Variants in TGM4 observed in about 807,000 individuals in gnomAD.
TGM4 encodes transglutaminase 4, also known as protein-glutamine gamma-glutamyltransferase 4.
TGM4 carries 61 observed loss-of-function variants against 76.3 expected under a neutral mutation model. The observed-to-expected ratio is 0.80, with a 90% confidence interval of 0.65 to 0.99. TGM4 has a LOEUF of 0.99. TGM4 is among the 50% of genes least tolerant of loss of function. The pLI is 0.00. For missense variants in TGM4, 794 were observed against 843.2 expected (o/e 0.94, Z 0.72); for synonymous variants, 337 against 329.8 (o/e 1.02, Z -0.24).
chr3:44,889,238 C>CAGCTAGTT (rs986675018), intron 3 of TGM4: 3 of 146,924 alleles, frequency 2.0e-5, no homozygotes, highest in African/African-American at 7.7e-5. Flanking sequence ...CGTGTAGTTC[C>CAGCTAGTT]AGCTAGTTGG....
chr3:44,910,865 A>C (rs757151228), intron 11 of TGM4, 93 bp from the exon 12 acceptor site: 8 of 1,405,664 alleles, frequency 5.7e-6, no homozygotes, highest in Admixed American at 2.0e-5. Flanking sequence ...TTCAATTCAC[A>C]CAAAGTTAAT....
In TGM4 at chr3:44,913,774, C is replaced by A; in HGVS notation, c.*49C>A. The A allele has an allele frequency of 6.3e-7, 1 of 1,582,274 alleles. No homozygotes were observed. The highest frequency in any genetic ancestry group is 1.4e-5 in the African/African-American group (1 of 73,658). On this transcript the variant is annotated 3_prime_UTR_variant, in exon 14 of 14. Transcript: ENST00000296125. ...TAGTTGAGATTTCAGCATTTCCTACCTTGTGCTTAGCTTTCAGATTATGGA... is the reference window on the plus strand; with the variant it reads ...TAGTTGAGATTTCAGCATTTCCTACATTGTGCTTAGCTTTCAGATTATGGA...
chr3:44,879,542 G>A (rs1376534459), intron 1 of TGM4, among the ~76,000 whole-genome samples: 2 of 148,314 alleles, frequency 1.3e-5, no homozygotes, highest in African/African-American at 2.5e-5. Flanking sequence ...GCGCAATCTC[G>A]GCTCACTGCA....
intron 1 of TGM4, among the ~76,000 whole-genome samples, chr3:44,878,089 T>C (rs1699473580): frequency 6.6e-6 from 1 of 151,864 alleles, no homozygotes; most frequent in African/African-American, 2.4e-5. Flanking sequence ...AGGTCGAGGC[T>C]GCAGTGAGCT....
chr3:44,881,064 C>T (rs970914930), intron 1 of TGM4, among the ~76,000 whole-genome samples: 5 of 146,216 alleles, frequency 3.4e-5, no homozygotes, highest in Non-Finnish European at 7.5e-5. Context: ...CTATGAAGTG[C>T]ACTATGGTGC....
At chr3:44,898,063 C>T (rs1412979936) in intron 6 of TGM4, among the ~76,000 whole-genome samples, 8 of 152,094 alleles carry the variant, frequency 5.3e-5, no homozygotes, top group South Asian at 4.1e-4. Flanking sequence ...AGGCAGATCA[C>T]GAGGTCAGGA....
At position 44,910,197 on chromosome 3, in the gene TGM4, T is replaced by A; in HGVS notation, c.1435T>A (p.Ser479Thr). ...KENFLHMSVQ[S>T]DDVLLGNSVN... ...GAACTTTCTTCACATGTCGGTACAA[T>A]CAGATGATGTGCTGCTGGGAAACTC... Residue 479 changes from serine (S) to threonine (T), a missense_variant, in exon 11 of 14, where the codon TCA becomes ACA. Physicochemically the swap from Ser to Thr is moderately conservative, Grantham distance 58. Transcript: ENST00000296125. 6.2e-7 allele frequency: 1 copy of A among 1,614,194 alleles called. No individual in the cohort carries two copies. Among genetic ancestry groups the A allele is most frequent in the East Asian group, 2.2e-5 (1 of 44,886 alleles).
intron 5 of TGM4, among the ~76,000 whole-genome samples, chr3:44,894,904 A>G (rs1336596380): frequency 6.6e-6 from 1 of 152,088 alleles, no homozygotes; most frequent in Non-Finnish European, 1.5e-5. Context: ...GGGAAATGAA[A>G]TGGAAGGGAG....
intron 4 of TGM4, among the ~76,000 whole-genome samples, chr3:44,892,144 G>A (rs1468510770): frequency 2.6e-5 from 4 of 151,526 alleles, no homozygotes; most frequent in African/African-American, 4.8e-5. Context: ...TGTAATCCCA[G>A]CTACTTGGGA....
At chr3:44,905,136 C>T (rs1339411167) in intron 9 of TGM4, among the ~76,000 whole-genome samples, 2 of 152,146 alleles carry the variant, frequency 1.3e-5, no homozygotes, top group African/African-American at 4.8e-5. Flanking sequence ...AGGCGCCTGC[C>T]ACCATGCCTG....
chr3:44,906,447 A>G (rs193025585), intron 9 of TGM4, among the ~76,000 whole-genome samples: 4 of 152,310 alleles, frequency 2.6e-5, no homozygotes, highest in African/African-American at 9.6e-5. Context: ...AAATGTTCTT[A>G]TTAGCCCAGA....
At position 44,898,358 on chromosome 3, in the gene TGM4, C is replaced by T. The variant is rs148994536; in HGVS notation, c.657+1542C>T. Among the ~76,000 whole-genome samples, 22 of 151,688 alleles carry T rather than the reference C, an allele frequency of 1.5e-4. No individual in the cohort carries two copies. The East Asian group carries it at 4.3e-3, about 29-fold the overall frequency. On this transcript the variant is annotated intron_variant, in intron 6 of 13. Transcript: ENST00000296125. ...TTTTCAGATAATGGAAGATACTATA[C>T]TGAAGCTCTGTAAGTGGCAGTTTCT...
rs138226598 is a variant in TGM4, at chr3:44,890,522, C to T, written c.301-81C>T. 5.1e-4 allele frequency: 799 copies of T among 1,560,398 alleles called. 7 individuals carry two copies. In the East Asian group the frequency reaches 0.012, roughly 24 times the overall value. On this transcript the variant is annotated intron_variant, in intron 3 of 13. Transcript: ENST00000296125. ...AGATGGGATGAGTTGTTAGGACTGA[C>T]GGATTCTTCTGGGAAGCATTTGTAA...
At chr3:44,878,148 C>T (rs1699474160) in intron 1 of TGM4, among the ~76,000 whole-genome samples, 1 of 150,562 alleles carries the variant, frequency 6.6e-6, no homozygotes, top group Non-Finnish European at 1.5e-5. Flanking sequence ...GAGACTCTGT[C>T]TCAAAAAAAG....
rs1397904739 is a variant in TGM4, at chr3:44,896,765, G to A, written c.606G>A (p.Lys202=). The change falls in exon 6 of 14, where the codon AAG becomes AAA. Residue 202 remains lysine (K), a synonymous_variant. Transcript: ENST00000296125. ...CCCTGCTGACTGAGAGCTCCCTCAAGCCCACAGATAGGAGGGACCCCGTGC... is the reference window on the plus strand; with the variant it reads ...CCCTGCTGACTGAGAGCTCCCTCAAACCCACAGATAGGAGGGACCCCGTGC... ...CISLLTESSL[K]PTDRRDPVLV... 1.9e-6 allele frequency: 3 copies of A among 1,614,058 alleles called. No homozygotes were observed. The highest frequency in any genetic ancestry group is 1.3e-5 in the African/African-American group (1 of 74,926).
chr3:44,907,266 G>T, intron 10 of TGM4, 66 bp downstream of exon 10: 1 of 1,474,998 alleles, frequency 6.8e-7, no homozygotes, highest in East Asian at 2.4e-5. Flanking sequence ...AAATAGTCAA[G>T]ATTGGGGGTG....
chr3:44,913,770 C>A lies in TGM4; in HGVS notation c.*45C>A. The A allele has an allele frequency of 6.3e-7, 1 of 1,584,500 alleles. No individual in the cohort carries two copies. The highest frequency in any genetic ancestry group is 8.6e-7 in the Non-Finnish European group (1 of 1,167,510). Reference sequence around the variant, plus strand: ...GCCTTAGTTGAGATTTCAGCATTTCCTACCTTGTGCTTAGCTTTCAGATTA... The same window carrying A: ...GCCTTAGTTGAGATTTCAGCATTTCATACCTTGTGCTTAGCTTTCAGATTA... On this transcript the variant is annotated 3_prime_UTR_variant, in exon 14 of 14. Transcript: ENST00000296125.
At chr3:44,908,384 GTTTTTGTTT>G (rs1372083072) in intron 10 of TGM4, among the ~76,000 whole-genome samples, 2 of 150,010 alleles carry the variant, frequency 1.3e-5, no homozygotes, top group Non-Finnish European at 2.9e-5. Flanking sequence ...GTTTTTTTTT[GTTTTTGTTT>G]TTTTTGTTTT....
In TGM4 at chr3:44,913,912, G is replaced by A. The variant is rs7642831; in HGVS notation, c.*187G>A. The A allele has an allele frequency of 0.018, 12,147 of 667,548 alleles. 921 individuals carry two copies. The highest frequency in any genetic ancestry group is 0.18 in the African/African-American group (9,622 of 54,244). The allele number at this position is 667,548 out of a possible 1,614,324, so 41.4% of individuals were successfully genotyped here. On this transcript the variant is annotated 3_prime_UTR_variant, in exon 14 of 14. Transcript: ENST00000296125. ...AGGCCAGGTCCTGTGCTATCACAGG[G>A]TCACCTCTTTTACAGTTAGAAACAC...
Sources: allele counts gnomAD v4.1 joint callset (sites outside exome capture counted in the v4.1 genomes callset), GRCh38; gene constraint gnomAD v4.1.1; transcripts MANE v1.5; gene names NCBI Gene and HGNC (gene_info 2026-07-23, HGNC 2026-07-21).